The following DET1 variants were observed in gnomAD, a reference collection of about 807,000 sequenced individuals.
DET1 encodes the protein DET1 partner of COP1 E3 ubiquitin ligase.
In DET1, 22 loss-of-function variants were observed where a neutral mutation model predicts 43.7. The ratio of observed to expected loss-of-function variants is 0.50; its 90% CI spans 0.36 to 0.72. The LOEUF is 0.72. Among genes scored for constraint, DET1 ranks in the 30% least tolerant of loss-of-function variants. The pLI, the probability that DET1 is intolerant of heterozygous loss-of-function variation, is 0.00. For synonymous variants in DET1, 315 were observed against 266.2 expected (o/e 1.18, Z -1.79); for missense variants, 713 against 713.3 (o/e 1.00, Z 0.00).
chr15:88,540,379 C>T (rs1840900287), intron 1 of DET1, among the ~76,000 whole-genome samples: 1 of 151,704 alleles, frequency 6.6e-6, no homozygotes, highest in Admixed American at 6.6e-5. Flanking sequence ...TTCTGTTTTT[C>T]TGATACTCCA....
chr15:88,515,538 T>TAAGAAAAA (rs1491544233), intron 4 of DET1, among the ~76,000 whole-genome samples: 1 of 47,466 alleles, frequency 2.1e-5, no homozygotes, highest in Non-Finnish European at 3.4e-5. Flanking sequence ...GACTCCGTCT[T>TAAGAAAAA]ATAAAAAAAA....
chr15:88,539,598 T>C (rs948333031), intron 1 of DET1, among the ~76,000 whole-genome samples: 1 of 152,200 alleles, frequency 6.6e-6, no homozygotes, highest in African/African-American at 2.4e-5. Flanking sequence ...GACGTCGGTA[T>C]TGCCCAAGAC....
intron 1 of DET1, among the ~76,000 whole-genome samples, chr15:88,544,012 C>T (rs1361714332): frequency 6.6e-6 from 1 of 152,216 alleles, no homozygotes; most frequent in Non-Finnish European, 1.5e-5. Context: ...TACTAGTAGA[C>T]ACCTTCTCCA....
chr15:88,521,919 C>T (rs1364813920), intron 3 of DET1, among the ~76,000 whole-genome samples: 2 of 149,778 alleles, frequency 1.3e-5, no homozygotes, highest in Admixed American at 6.7e-5. Flanking sequence ...TCCAGTGGTG[C>T]GCTGATAAAG....
chr15:88,522,840 C>G (rs2056536808), intron 3 of DET1, among the ~76,000 whole-genome samples: 1 of 150,730 alleles, frequency 6.6e-6, no homozygotes, highest in South Asian at 2.1e-4. Flanking sequence ...TGTTTTTATA[C>G]TTTCAATTGA....
intron 1 of DET1, among the ~76,000 whole-genome samples, chr15:88,539,447 C>CT (rs1357472972): frequency 1.8e-5 from 1 of 56,136 alleles, no homozygotes; most frequent in African/African-American, 6.0e-5. Flanking sequence ...CCTTGTCTGT[C>CT]TAAAAAAAAA....
chr15:88,537,390 G>A (rs115640595), intron 1 of DET1, among the ~76,000 whole-genome samples: 1,746 of 152,038 alleles, frequency 0.011, 40 homozygotes, highest in African/African-American at 0.039. Context: ...TCACTCTGTC[G>A]CCCAGGCTGG....
chr15:88,520,336 C>T (rs773990799), intron 3 of DET1, among the ~76,000 whole-genome samples: 2 of 152,220 alleles, frequency 1.3e-5, no homozygotes, highest in Non-Finnish European at 2.9e-5. Flanking sequence ...CCCATTCTTT[C>T]TTAAACCCAC....
At chr15:88,529,472 G>C (rs891418244) in intron 2 of DET1, among the ~76,000 whole-genome samples, 1 of 151,902 alleles carries the variant, frequency 6.6e-6, no homozygotes, top group Non-Finnish European at 1.5e-5. Context: ...CATTGATAGG[G>C]AAGAAAAAAA....
chr15:88,531,276 A>G lies in DET1; in HGVS notation c.430T>C (p.Cys144Arg). The change falls in exon 2 of 5, where the codon TGT (cysteine) becomes CGT (arginine). Residue 144 changes from cysteine to arginine, a missense_variant. Cys to Arg is a radical substitution (Grantham distance 180, BLOSUM62 -3). Coordinates refer to ENST00000268148, the MANE Select transcript of DET1 (RefSeq NM_001144074.3). This position sits in a 1 kb window ranked among gnomAD's most constrained non-coding sequence, Gnocchi z 6.2. ...AANGEHLNRE[C>R]SLFTDDCRCV... ...CGGCAGTCATCAGTGAAGAGACTAC[A>G]CTCCCGGTTCAGGTGCTCACCATTG... is the stretch of plus-strand genomic sequence containing the variant. 1 of 1,613,672 alleles carries G rather than the reference A, an allele frequency of 6.2e-7. No homozygotes were observed. The highest frequency in any genetic ancestry group is 8.5e-7 in the Non-Finnish European group (1 of 1,179,834).
At chr15:88,502,725 C>T (rs2056101091) in intron 8 of DET1, 1 of 152,246 alleles carries the variant, frequency 6.6e-6, no homozygotes, top group Non-Finnish European at 1.5e-5. Context: ...ACTCAGCTTT[C>T]TTGTTAACTC....
intron 3 of DET1, among the ~76,000 whole-genome samples, chr15:88,521,047 A>G (rs1369722946): frequency 4.6e-5 from 7 of 152,178 alleles, no homozygotes; most frequent in Admixed American, 2.0e-4. Context: ...ATCTATAGTT[A>G]AAGCCAAAGC....
In DET1 at chr15:88,538,562, C is replaced by T. The variant is rs555774265; in HGVS notation, c.-10-6847G>A. On this transcript the variant is annotated intron_variant, in intron 1 of 4. Coordinates refer to ENST00000268148, the MANE Select transcript of DET1 (RefSeq NM_001144074.3). ...GGCTGAGAGAATTTTGAGCATTAGC[C>T]GTCTCTCGGTCACCGGCTAGTAAAG... Among the ~76,000 whole-genome samples, 48 of 152,190 alleles carry T rather than the reference C, an allele frequency of 3.2e-4. 1 individual carries two copies. Among genetic ancestry groups the T allele is most frequent in the African/African-American group, 8.9e-4 (37 of 41,514 alleles).
rs138909671 is a variant in DET1 at position 88,517,955 on chromosome 15, G to C, written c.1272-982C>G. 1.0e-3 allele frequency among the ~76,000 whole-genome samples: 154 copies of C among 151,918 alleles called. 2 individuals carry two copies. Among genetic ancestry groups the C allele is most frequent in the East Asian group, 1.9e-3 (10 of 5,182 alleles). On this transcript the variant is annotated intron_variant, in intron 3 of 4. Transcript: ENST00000268148. ...AAATTTTATTTTATTTTTATTTTTT[G>C]AGACAGGGTCTCACTGTGTTGCCCA...
intron 7 of DET1, among the ~76,000 whole-genome samples, chr15:88,506,358 C>G (rs536356519): frequency 3.3e-5 from 5 of 152,012 alleles, no homozygotes; most frequent in African/African-American, 1.2e-4. Context: ...ATAAAGAATC[C>G]AAGTCCTACT....
chr15:88,520,858 C>T lies in DET1; in HGVS notation c.1272-3885G>A, dbSNP rs544475292. Among the ~76,000 whole-genome samples, 9 of 152,292 alleles carry T rather than the reference C, an allele frequency of 5.9e-5. No homozygotes were observed. The South Asian group carries it at 1.9e-3, about 32-fold the overall frequency. Reference sequence around the variant, plus strand: ...CAGTAAAGAACTTAAATCCTAGTGGCAGGAAACAGAATGCCATAGCTATTA... The same window carrying T: ...CAGTAAAGAACTTAAATCCTAGTGGTAGGAAACAGAATGCCATAGCTATTA... On this transcript the variant is annotated intron_variant, in intron 3 of 4. Coordinates refer to ENST00000268148, the MANE Select transcript of DET1 (RefSeq NM_001144074.3).
At chr15:88,514,081 G>A (rs1039412054) in intron 4 of DET1, among the ~76,000 whole-genome samples, 1 of 150,022 alleles carries the variant, frequency 6.7e-6, no homozygotes, top group Non-Finnish European at 1.5e-5. Context: ...TTACAGGCGT[G>A]AGCCACCGCG....
At chr15:88,530,518 T>G in intron 2 of DET1, 105 bp downstream of exon 2, 1 of 1,493,894 alleles carries the variant, frequency 6.7e-7, no homozygotes, top group Admixed American at 2.3e-5. Context: ...CAATTCAGAC[T>G]ACGTGAAATG....
chr15:88,518,105 A>ATTTTTTTTTTT (rs11327620), intron 3 of DET1, among the ~76,000 whole-genome samples: 1 of 133,402 alleles, frequency 7.5e-6, no homozygotes, highest in African/African-American at 2.8e-5. Context: ...CACCCAGCTA[A>ATTTTTTTTTTT]TTTTTTTTTT....
Sources: allele counts gnomAD v4.1 joint callset (sites outside exome capture counted in the v4.1 genomes callset), GRCh38; gene constraint gnomAD v4.1.1; non-coding constraint Gnocchi (gnomAD v3.1); transcripts MANE v1.5; gene names NCBI Gene and HGNC (gene_info 2026-07-23, HGNC 2026-07-21).